The following FMN2 variants were observed in gnomAD, a reference collection of about 807,000 sequenced individuals.
FMN2 encodes formin 2.
In FMN2, 51 loss-of-function variants were observed where a neutral mutation model predicts 142.3. The observed-to-expected ratio is 0.36, with a 90% CI of 0.29 to 0.45. FMN2 has a LOEUF of 0.45. FMN2 is among the 20% of genes least tolerant of loss of function. The probability of loss-of-function intolerance (pLI) is 1.00; values close to 1 mark genes in which losing one functional copy is unlikely to be tolerated. For missense variants in FMN2, 1,936 were observed against 2,122.8 expected (o/e 0.91, Z 1.73); for synonymous variants, 882 against 869.8 (o/e 1.01, Z -0.25).
intron 4 of FMN2, among the ~76,000 whole-genome samples, chr1:240,192,066 G>A (rs756682863): frequency 2.6e-5 from 4 of 152,180 alleles, no homozygotes; most frequent in Admixed American, 2.6e-4. Context: ...TCAGAAAAAC[G>A]CTTTGCTCTG....
At chr1:240,324,341 A>T (rs1420962645) in intron 8 of FMN2, among the ~76,000 whole-genome samples, 1 of 152,120 alleles carries the variant, frequency 6.6e-6, no homozygotes, top group Non-Finnish European at 1.5e-5. Flanking sequence ...AACGATTTTT[A>T]AAAAATACAA....
intron 16 of FMN2, among the ~76,000 whole-genome samples, chr1:240,459,906 C>T (rs998650318): frequency 6.6e-6 from 1 of 152,038 alleles, no homozygotes; most frequent in African/African-American, 2.4e-5. Flanking sequence ...GTTAAAGTTT[C>T]GTCTCAGTTT....
chr1:240,281,137 A>C (rs959339923), intron 7 of FMN2, among the ~76,000 whole-genome samples: 1 of 152,114 alleles, frequency 6.6e-6, no homozygotes, highest in Non-Finnish European at 1.5e-5. Flanking sequence ...TCAGTAACTT[A>C]TGTCGTTAAC....
At chr1:240,120,622 C>G (rs1005568681) in intron 1 of FMN2, among the ~76,000 whole-genome samples, 1 of 152,134 alleles carries the variant, frequency 6.6e-6, no homozygotes, top group Non-Finnish European at 1.5e-5. Flanking sequence ...CAACTTTAAA[C>G]AAATGATTGC....
chr1:240,105,041 G>T (rs575020586), intron 1 of FMN2, among the ~76,000 whole-genome samples: 3 of 149,780 alleles, frequency 2.0e-5, no homozygotes, highest in Non-Finnish European at 4.4e-5. Context: ...TAAATAAAAG[G>T]TTTTATTTGA....
rs755620586 is a variant in FMN2 at position 240,093,344 on chromosome 1, C to A, written c.1235C>A (p.Pro412Gln). The A allele has an allele frequency of 1.2e-6, 2 of 1,613,138 alleles. No homozygotes were observed. Among genetic ancestry groups the A allele is most frequent in the African/African-American group, 2.7e-5 (2 of 74,812 alleles). The change falls in exon 1 of 18, where the codon CCG becomes CAG. Residue 412 changes from proline (P) to glutamine (Q), a missense_variant. Pro to Gln is a moderately conservative substitution (Grantham distance 76). Around this residue, in one of 8 missense-constraint regions of FMN2, gnomAD observed 751 missense variants for 791.8 expected, o/e 0.95. Coordinates refer to ENST00000319653, the MANE Select transcript of FMN2 (RefSeq NM_020066.5). ...APSQRCFKPY[P>Q]LITPCYIKTT... ...AGCCAGCGCTGTTTCAAGCCCTACC[C>A]GCTCATCACCCCCTGCTACATCAAG...
chr1:240,243,460 T>A (rs2102872420), intron 6 of FMN2, among the ~76,000 whole-genome samples: 1 of 152,320 alleles, frequency 6.6e-6, no homozygotes, highest in African/African-American at 2.4e-5. Flanking sequence ...TGGGTTGTTC[T>A]CCTTCTTAAT....
At chr1:240,244,008 C>G (rs188618652) in intron 6 of FMN2, among the ~76,000 whole-genome samples, 346 of 152,334 alleles carry the variant, frequency 2.3e-3, no homozygotes, top group Middle Eastern at 6.8e-3. Context: ...ACCTTGTGCT[C>G]TAATGTCGTT....
intron 1 of FMN2, among the ~76,000 whole-genome samples, chr1:240,115,829 G>A (rs1001797978): frequency 6.6e-6 from 1 of 152,186 alleles, no homozygotes. Context: ...CCCCATAGGC[G>A]GAGCAGCCCT....
chr1:240,436,518 T>C (rs1166297890), intron 15 of FMN2, among the ~76,000 whole-genome samples: 1 of 152,054 alleles, frequency 6.6e-6, no homozygotes, highest in African/African-American at 2.4e-5. Flanking sequence ...GATCTCAGTA[T>C]TTTAAAAAAT....
chr1:240,431,589 A>C (rs1204715993), intron 15 of FMN2, among the ~76,000 whole-genome samples: 2 of 151,456 alleles, frequency 1.3e-5, no homozygotes, highest in Non-Finnish European at 3.0e-5. Flanking sequence ...TGCGTATGTT[A>C]ACTGTAGGTT....
intron 15 of FMN2, 88 bp from the exon 16 acceptor site, chr1:240,437,971 GAA>G: frequency 1.4e-6 from 2 of 1,462,092 alleles, no homozygotes; most frequent in Non-Finnish European, 9.3e-7. Flanking sequence ...AATTGTGCAT[GAA>G]TAAAATCAGC....
At chr1:240,457,199 T>C (rs1327934358) in intron 16 of FMN2, among the ~76,000 whole-genome samples, 1 of 152,150 alleles carries the variant, frequency 6.6e-6, no homozygotes, top group Non-Finnish European at 1.5e-5. Context: ...AACTTCAAAA[T>C]CAATGTTCCC....
intron 2 of FMN2, among the ~76,000 whole-genome samples, chr1:240,154,037 G>A (rs910933441): frequency 2.0e-5 from 3 of 148,540 alleles, no homozygotes; most frequent in Non-Finnish European, 4.4e-5. Flanking sequence ...TTGAACCCAG[G>A]AGGCGGAGGT....
At chr1:240,436,989 C>T (rs1675395402) in intron 15 of FMN2, among the ~76,000 whole-genome samples, 1 of 152,172 alleles carries the variant, frequency 6.6e-6, no homozygotes, top group African/African-American at 2.4e-5. Context: ...CTTTCTCTAA[C>T]CAGTTCTCTT....
At chr1:240,149,428 G>T (rs1433323177) in intron 2 of FMN2, among the ~76,000 whole-genome samples, 1 of 152,160 alleles carries the variant, frequency 6.6e-6, no homozygotes, top group Non-Finnish European at 1.5e-5. Context: ...ATCCATTTCA[G>T]TTCTTTGTTG....
At position 240,148,323 on chromosome 1, in the gene FMN2, CAG is replaced by C. The variant is rs373939604; in HGVS notation, c.1782+24984_1782+24985del. On this transcript the variant is annotated intron_variant, in intron 2 of 17. Transcript: ENST00000319653. ...ACAGAGAGAGAGAGACAGACAGAAA[CAG>C]AGAGACAGACAGATAAAGAGAGAAA... Among the ~76,000 whole-genome samples the C allele has an allele frequency of 4.2e-3, 602 of 144,938 alleles. 3 individuals carry two copies. Among genetic ancestry groups the C allele is most frequent in the African/African-American group, 0.014 (529 of 38,690 alleles).
At chr1:240,437,390 T>A (rs9728174) in intron 15 of FMN2, among the ~76,000 whole-genome samples, 128,584 of 150,624 alleles carry the variant, frequency 0.85, 55,126 homozygotes, top group Middle Eastern at 0.93. Flanking sequence ...GCCTCCTGGG[T>A]TCATGCCATT....
At chr1:240,297,401 C>T (rs1481000015) in intron 8 of FMN2, among the ~76,000 whole-genome samples, 1 of 151,882 alleles carries the variant, frequency 6.6e-6, no homozygotes, top group Admixed American at 6.5e-5. Context: ...CGAGAACAGC[C>T]TGGCCAACAT....
Sources: gnomAD v4.1 joint callset for allele counts (sites outside exome capture counted in the v4.1 genomes callset) on GRCh38, gnomAD v4.1.1 for gene constraint, gnomAD v4.1.1 regional missense constraint, MANE v1.5 for transcripts, NCBI Gene and HGNC (gene_info 2026-07-23, HGNC 2026-07-21) for gene names.